IL17RD: variants seen among roughly 807,000 people sequenced by gnomAD.
IL17RD encodes the protein interleukin 17 receptor D.
A neutral mutation model predicts 80.5 loss-of-function variants in IL17RD; 52 were observed. That is an observed-to-expected ratio of 0.65 (90% CI 0.52 to 0.81). The LOEUF (loss-of-function observed/expected upper bound fraction) is 0.81, where lower values mean the gene tolerates loss of function less well. Among genes scored for constraint, IL17RD ranks in the 40% least tolerant of loss-of-function variants. IL17RD has a pLI of 0.00. For synonymous variants in IL17RD, 416 were observed against 391.8 expected, an observed-to-expected ratio of 1.06 and a Z score of -0.73; for missense variants, 1,024 against 955.1, an observed-to-expected ratio of 1.07 and a Z score of -0.95.
chr3:57,164,336 G>C lies in IL17RD; in HGVS notation c.126+825C>G, dbSNP rs193258638. On this transcript the variant is annotated intron_variant, in intron 1 of 12. Transcript: ENST00000296318. The stretch of plus-strand genomic sequence containing the variant: ...AGCCCAGGTAGGGAGCAGGGAAGCT[G>C]AGAGGGGAATGGCAATCACCCGCGC... Among the ~76,000 whole-genome samples the C allele has an allele frequency of 7.2e-5, 11 of 152,322 alleles. No homozygotes were observed. The East Asian group carries it at 2.1e-3, about 30-fold the overall frequency.
rs920490651 is a variant in IL17RD, at chr3:57,148,587, T to C, written c.126+16574A>G. 3.3e-5 allele frequency among the ~76,000 whole-genome samples: 5 copies of C among 152,206 alleles called. No individual in the cohort carries two copies. In the East Asian group the frequency reaches 9.6e-4, roughly 29 times the overall value. ...TCCACACTCCCTGAATCTCATTCTTTTATAACACATTTGGAAAAGTAACAC... is the reference window on the plus strand; with the variant it reads ...TCCACACTCCCTGAATCTCATTCTTCTATAACACATTTGGAAAAGTAACAC... On this transcript the variant is annotated intron_variant, in intron 1 of 12. Coordinates refer to ENST00000296318, the MANE Select transcript of IL17RD (RefSeq NM_017563.5).
chr3:57,123,112 G>A lies in IL17RD; in HGVS notation c.127-2799C>T, dbSNP rs550872309. Among the ~76,000 whole-genome samples, 4 of 152,334 alleles carry A rather than the reference G, an allele frequency of 2.6e-5. No individual in the cohort carries two copies. In the South Asian group the frequency reaches 8.3e-4, roughly 32 times the overall value. On this transcript the variant is annotated intron_variant, in intron 1 of 12. Coordinates refer to ENST00000296318, the MANE Select transcript of IL17RD (RefSeq NM_017563.5). ...TCCAAATAAAGTCTCTGTGATGTGT[G>A]TGGAACTGTTCAGAGGGGGGTCCAG...
chr3:57,125,612 A>G (rs1707443676), intron 1 of IL17RD, among the ~76,000 whole-genome samples: 1 of 152,162 alleles, frequency 6.6e-6, no homozygotes, highest in Non-Finnish European at 1.5e-5. Context: ...AAGACTGGAG[A>G]AAGGTCACAG....
chr3:57,151,259 T>C (rs151003672), intron 1 of IL17RD, among the ~76,000 whole-genome samples: 1 of 152,288 alleles, frequency 6.6e-6, no homozygotes, highest in Admixed American at 6.5e-5. Flanking sequence ...ATGCTTTTAT[T>C]AACCATAAAT....
At chr3:57,122,790 G>T (rs1431596366) in intron 1 of IL17RD, among the ~76,000 whole-genome samples, 3 of 148,510 alleles carry the variant, frequency 2.0e-5, no homozygotes, top group Non-Finnish European at 4.4e-5. Flanking sequence ...TCCTCTAGGA[G>T]GTGGTTTTGA....
chr3:57,092,117 C>G lies in IL17RD; in HGVS notation c.*4276G>C, dbSNP rs538152346. On this transcript the variant is annotated 3_prime_UTR_variant, in exon 13 of 13. Transcript: ENST00000296318. ...CAGTCAATTCACAGACCACTTAAAA[C>G]GGAAGATAATGCAAATACCTGGCTC... is the stretch of plus-strand genomic sequence containing the variant. The G allele has an allele frequency of 6.6e-6, 1 of 152,620 alleles. No individual in the cohort carries two copies. Among genetic ancestry groups the G allele is most frequent in the Admixed American group, 6.5e-5 (1 of 15,282 alleles). 9.5% of individuals were successfully genotyped at this position (152,620 alleles called of 1,614,324 possible).
Position 57,102,565 on chromosome 3 carries a change from A to G in IL17RD, c.893T>C (p.Ile298Thr), listed in dbSNP as rs368070640. 4.7e-4 allele frequency: 743 copies of G among 1,577,428 alleles called. 15 individuals carry two copies. The South Asian group carries it at 8.1e-3, about 17-fold the overall frequency. Residue 298 changes from isoleucine (I) to threonine (T), a missense_variant, in exon 10 of 13, where the codon ATC becomes ACC. Physicochemically the swap from Ile to Thr is moderately conservative, Grantham distance 89 (BLOSUM62 -1). Transcript: ENST00000296318. ...KPVHSPWAGP[I>T]RAVAITVPLV... ...TGGCACTGTGATGGCCACGGCTCTG[A>G]TGGGCCCGGCCCACGGGGAGTGCAC...
chr3:57,138,899 A>T (rs1462442350), intron 1 of IL17RD, among the ~76,000 whole-genome samples: 1 of 145,588 alleles, frequency 6.9e-6, no homozygotes, highest in Non-Finnish European at 1.5e-5. Flanking sequence ...AGATTGCACC[A>T]TTGCACTCCA....
chr3:57,142,505 A>G, intron 1 of IL17RD: 1 of 1,288,506 alleles, frequency 7.8e-7, no homozygotes, highest in Non-Finnish European at 1.0e-6. Flanking sequence ...AGCGCGTGGC[A>G]TCCCTCCCCC....
chr3:57,099,346 GGA>G (rs951139481), intron 11 of IL17RD, among the ~76,000 whole-genome samples: 8 of 152,324 alleles, frequency 5.3e-5, no homozygotes, highest in Admixed American at 2.0e-4. Flanking sequence ...GGCTGACAAA[GGA>G]GAGAAAAATC....
At chr3:57,146,343 A>C (rs959322560) in intron 1 of IL17RD, among the ~76,000 whole-genome samples, 1 of 152,222 alleles carries the variant, frequency 6.6e-6, no homozygotes, top group Non-Finnish European at 1.5e-5. Flanking sequence ...CTAGACTTAA[A>C]GGCACTAAAA....
chr3:57,144,604 G>A (rs1244879039), intron 1 of IL17RD, among the ~76,000 whole-genome samples: 2 of 152,216 alleles, frequency 1.3e-5, no homozygotes, highest in African/African-American at 4.8e-5. Flanking sequence ...CCCTTGTGGA[G>A]GGGAAGGAAT....
At chr3:57,155,003 G>C (rs928773988) in intron 1 of IL17RD, among the ~76,000 whole-genome samples, 1 of 152,124 alleles carries the variant, frequency 6.6e-6, no homozygotes, top group Non-Finnish European at 1.5e-5. Flanking sequence ...TTCCTCCCAC[G>C]GGGAGGCAAG....
At chr3:57,160,186 C>T (rs944907768) in intron 1 of IL17RD, among the ~76,000 whole-genome samples, 6 of 151,624 alleles carry the variant, frequency 4.0e-5, no homozygotes, top group African/African-American at 7.3e-5. Context: ...AAAGAGGCAG[C>T]GGGGAATGAA....
intron 1 of IL17RD, among the ~76,000 whole-genome samples, chr3:57,153,775 A>G (rs780393058): frequency 4.6e-5 from 7 of 152,252 alleles, no homozygotes; most frequent in Non-Finnish European, 7.3e-5. Context: ...AGGGACTCTA[A>G]TATACAGGTG....
upstream of IL17RD, chr3:57,169,286 G>A (rs769362917): frequency 3.9e-6 from 2 of 515,706 alleles, no homozygotes; most frequent in Admixed American, 2.0e-5. Context: ...ACTCCTCGTG[G>A]TGAGAGGTGG....
At chr3:57,111,674 A>C (rs1428336620) in intron 3 of IL17RD, among the ~76,000 whole-genome samples, 1 of 152,174 alleles carries the variant, frequency 6.6e-6, no homozygotes, top group Non-Finnish European at 1.5e-5. Context: ...CAATTACATA[A>C]AAATTCATCG....
chr3:57,127,397 T>A lies in IL17RD; in HGVS notation c.127-7084A>T, dbSNP rs1707515689. On this transcript the variant is annotated intron_variant, in intron 1 of 12. Transcript: ENST00000296318. ...ATATATAAATAAATAAATAAATAAA[T>A]ATATATATATATATATTTTTTTTTT... 2.1e-5 allele frequency among the ~76,000 whole-genome samples: 2 copies of A among 96,664 alleles called. 1 individual carries two copies. Among genetic ancestry groups the A allele is most frequent in the Non-Finnish European group, 3.8e-5 (2 of 53,148 alleles). 63.4% of individuals were successfully genotyped at this position (96,664 alleles called of 152,430 possible). A position where few individuals can be genotyped will look rare whatever the true frequency, so the allele number is the denominator to read the frequency against.
chr3:57,161,610 G>A (rs1221508264), intron 1 of IL17RD, among the ~76,000 whole-genome samples: 1 of 152,132 alleles, frequency 6.6e-6, no homozygotes, highest in African/African-American at 2.4e-5. Flanking sequence ...TAGGTAAGGA[G>A]GCAAGAAATG....
Sources: gnomAD v4.1 joint callset for allele counts (sites outside exome capture counted in the v4.1 genomes callset) on GRCh38, gnomAD v4.1.1 for gene constraint, MANE v1.5 for transcripts, NCBI Gene and HGNC (gene_info 2026-07-23, HGNC 2026-07-21) for gene names.